The following TELO2 variants were observed in gnomAD, a reference collection of about 807,000 sequenced individuals.
TELO2 encodes the protein telomere length regulation protein TEL2 homolog.
Under a neutral mutation model 91.0 loss-of-function variants are expected in TELO2, and 71 were observed. The observed-to-expected ratio is 0.78, with a 90% CI of 0.64 to 0.95. TELO2 has a LOEUF of 0.95. TELO2 is among the 40% of genes least tolerant of loss of function. The pLI is 0.00. For synonymous variants in TELO2, 584 were observed against 518.9 expected (o/e 1.13, Z -1.71); for missense variants, 1,183 against 1,141.3 (o/e 1.04, Z -0.53).
rs753773729 is a variant in TELO2, at chr16:1,501,650, T to G, written c.1362-13T>G. 1 of 1,600,794 alleles carries G rather than the reference T, an allele frequency of 6.2e-7. No individual in the cohort carries two copies. The highest frequency in any genetic ancestry group is 1.1e-5 in the South Asian group (1 of 90,038). ...GGGCCCCTAAAGGATTTTTGTTCCT[T>G]GTTTCCTTAAAGCACGTCCCTCGTT... On this transcript the variant is annotated splice_polypyrimidine_tract_variant and intron_variant, in intron 10 of 20. Transcript: ENST00000262319.
chr16:1,500,289 C>T lies in TELO2; in HGVS notation c.1003-58C>T, dbSNP rs2039629954. On this transcript the variant is annotated intron_variant, in intron 7 of 20. Coordinates refer to ENST00000262319, the MANE Select transcript of TELO2 (RefSeq NM_016111.4). The stretch of plus-strand genomic sequence containing the variant: ...GGAGCTCCCTCAGAGTGGCTGTGGG[C>T]CTGGCGGGGACAGACTGGCCCCGAG... The T allele has an allele frequency of 3.9e-6, 6 of 1,533,634 alleles. No homozygotes were observed. In the African/African-American group the frequency reaches 5.5e-5, roughly 14 times the overall value.
At chr16:1,504,266 C>T (rs1477684711) in intron 15 of TELO2, among the ~76,000 whole-genome samples, 2 of 151,068 alleles carry the variant, frequency 1.3e-5, no homozygotes, top group Non-Finnish European at 3.0e-5. Flanking sequence ...AACCCTGTTT[C>T]TACTAAAAAC....
rs199748546 is a variant in TELO2 at position 1,501,683 on chromosome 16, C to T, written c.1382C>T (p.Thr461Met). 2.7e-5 allele frequency: 43 copies of T among 1,610,118 alleles called. No homozygotes were observed. The African/African-American group carries it at 2.8e-4, about 11-fold the overall frequency. ...SEAGTSLVPA[T>M]AEPPAETPAE... ...TAAAGCACGTCCCTCGTTCCAGCCA[C>T]GGCAGAGCCCCCTGCAGAGACCCCC... Residue 461 changes from threonine (T) to methionine (M), a missense_variant, in exon 11 of 21, where the codon ACG becomes ATG. Thr to Met is a moderately conservative substitution (Grantham distance 81). Transcript: ENST00000262319.
At chr16:1,504,307 G>A (rs1448456848) in intron 15 of TELO2, among the ~76,000 whole-genome samples, 5 of 150,604 alleles carry the variant, frequency 3.3e-5, no homozygotes, top group Non-Finnish European at 4.4e-5. Flanking sequence ...GGTGGTGCAT[G>A]CCTGTAGTCC....
Position 1,494,098 on chromosome 16 carries a change from G to C in TELO2, c.-36-148G>C. Reference sequence around the variant, plus strand: ...GAGGAGCGAACTCTGGGTGGAAACCGGCAGGCACTGGAGGGGAAGGAGGCG... The same window carrying C: ...GAGGAGCGAACTCTGGGTGGAAACCCGCAGGCACTGGAGGGGAAGGAGGCG... On this transcript the variant is annotated intron_variant, in intron 1 of 20. Coordinates refer to ENST00000262319, the MANE Select transcript of TELO2 (RefSeq NM_016111.4). This position sits in a 1 kb window ranked among gnomAD's most constrained non-coding sequence, Gnocchi z 5.6. 2 of 608,464 alleles carry C rather than the reference G, an allele frequency of 3.3e-6. No individual in the cohort carries two copies. Among genetic ancestry groups the C allele is most frequent in the South Asian group, 4.0e-5 (2 of 49,602 alleles). 37.7% of individuals were successfully genotyped at this position (608,464 alleles called of 1,614,324 possible).
At chr16:1,499,130 C>A in intron 5 of TELO2, 101 bp from the exon 6 acceptor site, 3 of 1,212,248 alleles carry the variant, frequency 2.5e-6, no homozygotes, top group Non-Finnish European at 3.6e-6. Flanking sequence ...AATTGGCAGG[C>A]CGGGAGTCAG....
intron 20 of TELO2, 47 bp downstream of exon 20, chr16:1,507,763 GGT>G (rs567051123): frequency 1.2e-5 from 17 of 1,414,676 alleles, no homozygotes; most frequent in East Asian, 3.2e-5. Context: ...GTCGGCCCGG[GGT>G]GTGTGTGTAT....
At position 1,504,127 on chromosome 16, in the gene TELO2, TAAAA is replaced by T. The variant is rs34788034; in HGVS notation, c.1842+1145_1842+1148del. Among the ~76,000 whole-genome samples, 567 of 104,886 alleles carry T rather than the reference TAAAA, an allele frequency of 5.4e-3. 9 individuals are homozygous for T. The highest frequency in any genetic ancestry group is 0.021 in the African/African-American group (532 of 25,822). The allele number at this position is 104,886 out of a possible 152,430, so 68.8% of individuals were successfully genotyped here. A position where few individuals can be genotyped will look rare whatever the true frequency, so the allele number is the denominator to read the frequency against. On this transcript the variant is annotated intron_variant, in intron 15 of 20. Coordinates refer to ENST00000262319, the MANE Select transcript of TELO2 (RefSeq NM_016111.4). ...GCAATAGAGCAAGACTCTGTCTCTT[TAAAA>T]AAAAAAAAAAAAAAAAAAAGCAGCC...
intron 20 of TELO2, among the ~76,000 whole-genome samples, chr16:1,508,280 C>T (rs1419089478): frequency 1.3e-5 from 2 of 152,084 alleles, no homozygotes; most frequent in East Asian, 3.9e-4. Context: ...TTACAGGTGC[C>T]CACCACTGCG....
rs79505493 is a variant in TELO2 at position 1,500,720 on chromosome 16, G to A, written c.1281+21G>A. ...TCCAGGTGAGCGGGCCGTCCCCTCC[G>A]CGTCCCCGTGTGGCTGGCCCGGGTC... On this transcript the variant is annotated intron_variant, in intron 9 of 20. Transcript: ENST00000262319. The A allele has an allele frequency of 1.1e-4, 170 of 1,610,446 alleles. No homozygotes were observed. In the African/African-American group the frequency reaches 2.0e-3, roughly 19 times the overall value.
chr16:1,501,749 C>A lies in TELO2; in HGVS notation c.1448C>A (p.Ala483Glu), dbSNP rs200124093. Reference protein sequence around the residue: ...VDGGVPQAQLAGSDSDLDSDD... With the variant: ...VDGGVPQAQLEGSDSDLDSDD... ...GGCGGCGTCCCCCAAGCACAGCTGG[C>A]GGGCTCTGACTCGGACCTGGACAGG... The change falls in exon 11 of 21, where the codon GCG (alanine) becomes GAG (glutamate). Residue 483 changes from alanine (A) to glutamate (E), a missense_variant. By Grantham distance (107) the Ala-to-Glu change is moderately radical. Transcript: ENST00000262319. 6.2e-6 allele frequency: 10 copies of A among 1,610,422 alleles called. No individual in the cohort carries two copies. The highest frequency in any genetic ancestry group is 7.6e-6 in the Non-Finnish European group (9 of 1,179,824).
Position 1,497,463 on chromosome 16 carries a change from G to C in TELO2, c.785G>C (p.Arg262Pro), listed in dbSNP as rs144404823. Reference sequence around the variant, plus strand: ...CGCCTGGTGGAGCAAGTGCCGGACCGGGCCATGGAGGCTGTGCTGACCGGG... The same window carrying C: ...CGCCTGGTGGAGCAAGTGCCGGACCCGGCCATGGAGGCTGTGCTGACCGGG... ...CWRLVEQVPDRAMEAVLTGLV... is the reference protein window; with the variant it reads ...CWRLVEQVPDPAMEAVLTGLV... The change falls in exon 5 of 21, where the codon CGG becomes CCG. Residue 262 changes from arginine (R) to proline (P), a missense_variant. Coordinates refer to ENST00000262319, the MANE Select transcript of TELO2 (RefSeq NM_016111.4). This position sits in a 1 kb window ranked among gnomAD's most constrained non-coding sequence, Gnocchi z 4.0. The C allele has an allele frequency of 6.4e-7, 1 of 1,574,092 alleles. No homozygotes were observed. Among genetic ancestry groups the C allele is most frequent in the Non-Finnish European group, 8.6e-7 (1 of 1,161,692 alleles).
Position 1,502,358 on chromosome 16 carries a change from G to C in TELO2, c.1607G>C (p.Arg536Pro). 6.2e-7 allele frequency: 1 copy of C among 1,605,874 alleles called. No individual in the cohort carries two copies. The highest frequency in any genetic ancestry group is 8.5e-7 in the Non-Finnish European group (1 of 1,177,914). The change falls in exon 13 of 21, where the codon CGG becomes CCG. Residue 536 changes from arginine to proline, a missense_variant. By Grantham distance (103) the Arg-to-Pro change is moderately radical. Transcript: ENST00000262319. ...ATAGAGCGCTGGGAGGCAGCCCTGCGGGCCCTTGAGGGCCTGGTCTACAGG... is the reference window on the plus strand; with the variant it reads ...ATAGAGCGCTGGGAGGCAGCCCTGCCGGCCCTTGAGGGCCTGGTCTACAGG... ...EDIERWEAAL[R>P]ALEGLVYRSP...
rs199920769 is a variant in TELO2, at chr16:1,507,683, G to C, written c.2374G>C (p.Asp792His). 12 of 1,604,358 alleles carry C rather than the reference G, an allele frequency of 7.5e-6. No homozygotes were observed. Among genetic ancestry groups the C allele is most frequent in the Non-Finnish European group, 1.0e-5 (12 of 1,179,738 alleles). The change falls in exon 20 of 21, where the codon GAC (aspartate) becomes CAC (histidine). Residue 792 changes from aspartate to histidine, a missense_variant. Asp to His is a moderately conservative substitution (Grantham distance 81). Coordinates refer to ENST00000262319, the MANE Select transcript of TELO2 (RefSeq NM_016111.4). The stretch of plus-strand genomic sequence containing the variant: ...TGCGCGCCTGCTGGAGGACCTGATG[G>C]ACGAGCTGCTGGAAGCCCGGTCCTG... ...PAARLLEDLM[D>H]ELLEARSWLA... is the part of the protein sequence containing the mutation.
At chr16:1,509,716 C>G in intron 20 of TELO2, 114 bp from the exon 21 acceptor site, 1 of 979,542 alleles carries the variant, frequency 1.0e-6, no homozygotes, top group Non-Finnish European at 1.5e-6. Context: ...CCCGAGCCCC[C>G]TTTCTTCCAT....
At position 1,506,347 on chromosome 16, in the gene TELO2, G is replaced by A; in HGVS notation, c.2126+18G>A. On this transcript the variant is annotated intron_variant, in intron 17 of 20. Coordinates refer to ENST00000262319, the MANE Select transcript of TELO2 (RefSeq NM_016111.4). ...TTTGACAGGTGAGTGGGTTTTCCGTGGGCCTGTGGACTTGGGGGACAGGGA... is the reference window on the plus strand; with the variant it reads ...TTTGACAGGTGAGTGGGTTTTCCGTAGGCCTGTGGACTTGGGGGACAGGGA... 1.2e-6 allele frequency: 2 copies of A among 1,614,024 alleles called. No homozygotes were observed. The highest frequency in any genetic ancestry group is 1.7e-6 in the Non-Finnish European group (2 of 1,179,976).
chr16:1,507,420 G>C lies in TELO2; in HGVS notation c.2291+50G>C, dbSNP rs199776495. On this transcript the variant is annotated intron_variant, in intron 19 of 20. Coordinates refer to ENST00000262319, the MANE Select transcript of TELO2 (RefSeq NM_016111.4). ...AGGCCAGGGGTGCAGGCAGACACAGGGGTCTTATTGTGGGGGCCCCGTGGA... is the reference window on the plus strand; with the variant it reads ...AGGCCAGGGGTGCAGGCAGACACAGCGGTCTTATTGTGGGGGCCCCGTGGA... 25 of 1,600,232 alleles carry C rather than the reference G, an allele frequency of 1.6e-5. 1 individual carries two copies. In the Middle Eastern group the frequency reaches 9.1e-4, roughly 58 times the overall value.
chr16:1,508,941 G>T (rs929840106), intron 20 of TELO2, among the ~76,000 whole-genome samples: 1 of 152,174 alleles, frequency 6.6e-6, no homozygotes, highest in East Asian at 1.9e-4. Context: ...TCTTTCAAGG[G>T]GGGTGAGGCC....
intron 20 of TELO2, among the ~76,000 whole-genome samples, chr16:1,509,388 C>A (rs1211492439): frequency 6.6e-6 from 1 of 152,202 alleles, no homozygotes; most frequent in Admixed American, 6.5e-5. Flanking sequence ...GGTGAGGGTC[C>A]CAGCACTGCG....
Sources: gnomAD v4.1 joint callset for allele counts (sites outside exome capture counted in the v4.1 genomes callset) on GRCh38, gnomAD v4.1.1 for gene constraint, Gnocchi (gnomAD v3.1) non-coding constraint, MANE v1.5 for transcripts, NCBI Gene and HGNC (gene_info 2026-07-23, HGNC 2026-07-21) for gene names.